The following USP53 variants were observed in gnomAD, a reference collection of about 807,000 sequenced individuals.
The protein encoded by USP53 is ubiquitin carboxyl-terminal hydrolase 53.
Under a neutral mutation model 94.9 loss-of-function variants are expected in USP53, and 71 were observed. The observed-to-expected ratio is 0.75, with a 90% CI of 0.62 to 0.91. USP53 has a LOEUF of 0.91. USP53 is among the 40% of genes least tolerant of loss of function. The pLI is 0.00. For synonymous variants in USP53, 375 were observed against 422.7 expected (o/e 0.89, Z 1.39); for missense variants, 1,173 against 1,281.0 (o/e 0.92, Z 1.29).
intron 12 of USP53, among the ~76,000 whole-genome samples, chr4:119,267,018 C>A (rs1009254288): frequency 1.3e-5 from 2 of 152,128 alleles, no homozygotes; most frequent in African/African-American, 2.4e-5. Flanking sequence ...TATATTTCTC[C>A]ATTGAATTGT....
intron 1 of USP53, among the ~76,000 whole-genome samples, chr4:119,213,641 G>GATATATTAGATATATATAT (rs1553961986): frequency 1.9e-5 from 2 of 108,102 alleles, no homozygotes; most frequent in African/African-American, 8.4e-5. Context: ...TCTGGAAATA[G>GATATATTAGATATATATAT]ATATATATAT....
In USP53 at chr4:119,237,462, T is replaced by G. The variant is rs1411665012; in HGVS notation, c.-542-1756T>G. Among the ~76,000 whole-genome samples the G allele has an allele frequency of 2.0e-5, 3 of 152,048 alleles. No homozygotes were observed. In the South Asian group the frequency reaches 6.2e-4, roughly 32 times the overall value. Reference sequence around the variant, plus strand: ...TATTCATAGATGACCTGCTTCTGGGTCGGGGTTTTGTATGTAGCAGAGCGG... The same window carrying G: ...TATTCATAGATGACCTGCTTCTGGGGCGGGGTTTTGTATGTAGCAGAGCGG... On this transcript the variant is annotated intron_variant, in intron 4 of 18. Coordinates refer to ENST00000692078, the MANE Select transcript of USP53 (RefSeq NM_001371395.1).
chr4:119,229,905 C>T (rs1404885598), intron 3 of USP53, among the ~76,000 whole-genome samples: 1 of 152,128 alleles, frequency 6.6e-6, no homozygotes, highest in Non-Finnish European at 1.5e-5. Context: ...CATGATCTGA[C>T]CCCTGGTTCT....
rs758150153 is a variant in USP53, at chr4:119,292,749, ACCACCC to A, written c.2763_2768del (p.Pro922_Pro923del). On this transcript the variant is annotated inframe_deletion, in exon 19 of 19. Coordinates refer to ENST00000692078, the MANE Select transcript of USP53 (RefSeq NM_001371395.1). ...TGCCAAAACTTTTTTGCCAGAATCT[ACCACCC>A]CCTTTGCCACCAAAGAAATATGCTA... The A allele has an allele frequency of 6.2e-7, 1 of 1,613,946 alleles. No individual in the cohort carries two copies. Among genetic ancestry groups the A allele is most frequent in the African/African-American group, 1.3e-5 (1 of 74,906 alleles).
Position 119,271,753 on chromosome 4 carries a change from G to A in USP53, c.1893G>A (p.Glu631=). 1 of 1,613,774 alleles carries A rather than the reference G, an allele frequency of 6.2e-7. No homozygotes were observed. The highest frequency in any genetic ancestry group is 8.5e-7 in the Non-Finnish European group (1 of 1,179,976). Residue 631 remains glutamate (E), a synonymous_variant, in exon 16 of 19, where the codon GAG becomes GAA. Transcript: ENST00000692078. The part of the protein sequence containing the change: ...KDPSFSNWPK[E]NPKQKGLMTI... Reference sequence around the variant, plus strand: ...CGAGTTTTAGTAATTGGCCAAAAGAGAATCCAAAGCAAAAAGGTTTAATGA... The same window carrying A: ...CGAGTTTTAGTAATTGGCCAAAAGAAAATCCAAAGCAAAAAGGTTTAATGA...
intron 12 of USP53, among the ~76,000 whole-genome samples, chr4:119,263,788 C>T (rs7684673): frequency 0.067 from 10,198 of 151,978 alleles, 574 homozygotes; most frequent in African/African-American, 0.15. Flanking sequence ...AAAACAAGGC[C>T]GGGCTGGTCA....
At chr4:119,288,447 T>C (rs1201071788) in intron 17 of USP53, among the ~76,000 whole-genome samples, 1 of 152,206 alleles carries the variant, frequency 6.6e-6, no homozygotes. Flanking sequence ...TTTTAATAGC[T>C]TTTCCTAAAA....
At chr4:119,249,432 G>A (rs1229184018) in intron 7 of USP53, among the ~76,000 whole-genome samples, 1 of 151,984 alleles carries the variant, frequency 6.6e-6, no homozygotes, top group African/African-American at 2.4e-5. Context: ...TGTAAAATAG[G>A]TATGTTAATT....
intron 3 of USP53, among the ~76,000 whole-genome samples, chr4:119,233,175 T>C (rs1578433646): frequency 1.4e-5 from 1 of 71,360 alleles, no homozygotes; most frequent in South Asian, 3.2e-4. Flanking sequence ...TCTCTCTCTC[T>C]TTTTTTTTTT....
chr4:119,251,083 T>A (rs1748936080), intron 7 of USP53, among the ~76,000 whole-genome samples: 1 of 135,342 alleles, frequency 7.4e-6, no homozygotes, highest in Non-Finnish European at 1.6e-5. Context: ...GGCCTCAGTG[T>A]GTGATATTCC....
In USP53 at chr4:119,292,625, T is replaced by C; in HGVS notation, c.2636T>C (p.Leu879Pro). ...TVGLKPETAP[L>P]IQQQNIMDQC... ...GGGTTAAAGCCAGAAACTGCTCCTC[T>C]CATCCAGCAACAAAATATCATGGAT... The change falls in exon 19 of 19, where the codon CTC becomes CCC. Residue 879 changes from leucine to proline, a missense_variant. By Grantham distance (98) the Leu-to-Pro change is moderately conservative. Transcript: ENST00000692078. The C allele has an allele frequency of 6.2e-7, 1 of 1,614,104 alleles. No homozygotes were observed.
intron 17 of USP53, among the ~76,000 whole-genome samples, chr4:119,285,861 A>C (rs1052549560): frequency 6.6e-6 from 1 of 151,946 alleles, no homozygotes; most frequent in Admixed American, 6.6e-5. Context: ...TGGCCTACCC[A>C]GGACCACCAA....
At chr4:119,260,335 T>G (rs1399700200) in intron 10 of USP53, among the ~76,000 whole-genome samples, 172 bp from the exon 11 acceptor site, 1 of 151,764 alleles carries the variant, frequency 6.6e-6, no homozygotes, top group African/African-American at 2.4e-5. Context: ...TTATTTAAAA[T>G]AAACTTCTTT....
intron 13 of USP53, 66 bp downstream of exon 13, chr4:119,267,548 C>A: frequency 7.0e-7 from 1 of 1,428,408 alleles, no homozygotes; most frequent in Non-Finnish European, 9.5e-7. Flanking sequence ...AATACTAGTA[C>A]TCTGAATATA....
chr4:119,267,189 C>T, intron 12 of USP53, 131 bp from the exon 13 acceptor site: 11 of 667,638 alleles, frequency 1.6e-5, no homozygotes, highest in Non-Finnish European at 2.6e-5. Flanking sequence ...TTATATGATA[C>T]ATACTTGAAC....
At chr4:119,273,534 T>C (rs1040113302) in intron 16 of USP53, 98 bp from the exon 17 acceptor site, 2 of 824,652 alleles carry the variant, frequency 2.4e-6, no homozygotes, top group Non-Finnish European at 3.9e-6. Flanking sequence ...GAACAGCACA[T>C]GGCATATAAT....
In USP53 at chr4:119,273,671, G is replaced by T; in HGVS notation, c.2214G>T (p.Gly738=). ...ITTSNLNKER[G]DCTSLQSQHH... is the part of the protein sequence containing the mutation. ...CAAGCAACCTAAATAAAGAACGTGG[G>T]GACTGTACCTCCCTTCAGAGCCAAC... Residue 738 remains glycine, a synonymous_variant, in exon 17 of 19, where the codon GGG becomes GGT. Transcript: ENST00000692078. The T allele has an allele frequency of 6.2e-7, 1 of 1,611,736 alleles. No individual in the cohort carries two copies. The highest frequency in any genetic ancestry group is 8.5e-7 in the Non-Finnish European group (1 of 1,178,958).
Position 119,267,332 on chromosome 4 carries a change from T to C in USP53, c.985T>C (p.Trp329Arg). 1 of 1,613,486 alleles carries C rather than the reference T, an allele frequency of 6.2e-7. No individual in the cohort carries two copies. Among genetic ancestry groups the C allele is most frequent in the African/African-American group, 1.3e-5 (1 of 75,020 alleles). ...DANVKEIGTR[W>R]KDVVSKCIRC... ...GTTTTTTTAAAAGATTGGAACTAGATGGAAAGATGTTGTCTCCAAATGCAT... is the reference window on the plus strand; with the variant it reads ...GTTTTTTTAAAAGATTGGAACTAGACGGAAAGATGTTGTCTCCAAATGCAT... The change falls in exon 13 of 19, where the codon TGG (tryptophan) becomes CGG (arginine). Residue 329 changes from tryptophan to arginine, a missense_variant. Transcript: ENST00000692078.
At chr4:119,248,489 C>A (rs1481591514) in intron 6 of USP53, among the ~76,000 whole-genome samples, 1 of 150,816 alleles carries the variant, frequency 6.6e-6, no homozygotes, top group Non-Finnish European at 1.5e-5. Flanking sequence ...TGCTCAGGAC[C>A]AGCAGTGTCC....
Sources: gnomAD v4.1 joint callset for allele counts (sites outside exome capture counted in the v4.1 genomes callset) on GRCh38, gnomAD v4.1.1 for gene constraint, MANE v1.5 for transcripts, NCBI Gene and HGNC (gene_info 2026-07-23, HGNC 2026-07-21) for gene names.